Variants in NTAQ1 observed in about 807,000 individuals in gnomAD.
NTAQ1 encodes the protein N-terminal glutamine amidase 1.
A neutral mutation model predicts 28.2 loss-of-function variants in NTAQ1; 21 were observed. The ratio of observed to expected loss-of-function variants is 0.74; its 90% CI spans 0.53 to 1.07. The LOEUF (loss-of-function observed/expected upper bound fraction) is 1.07, where lower values mean the gene tolerates loss of function less well. Ranked by LOEUF, NTAQ1 falls within the 50% of genes least tolerant of loss-of-function variation. The pLI is 0.00. For missense variants in NTAQ1, 264 were observed against 256.6 expected, an observed-to-expected ratio of 1.03 and a Z score of -0.20; for synonymous variants, 105 against 90.0, an observed-to-expected ratio of 1.17 and a Z score of -0.94.
chr8:123,462,373 A>C (rs1229871016), intron 6 of NTAQ1, among the ~76,000 whole-genome samples: 1 of 152,124 alleles, frequency 6.6e-6, no homozygotes, highest in African/African-American at 2.4e-5. Flanking sequence ...ATATGAGATT[A>C]GTTATTATAA....
At chr8:123,458,824 G>C (rs1015923397) in intron 6 of NTAQ1, among the ~76,000 whole-genome samples, 4 of 151,960 alleles carry the variant, frequency 2.6e-5, no homozygotes, top group African/African-American at 9.7e-5. Context: ...GTTTCACCGT[G>C]ATAGCTAGGA....
At chr8:123,452,479 C>T (rs1051482966), downstream of NTAQ1, among the ~76,000 whole-genome samples, 1 of 152,210 alleles carries the variant, frequency 6.6e-6, no homozygotes, top group Admixed American at 6.5e-5. Context: ...TGCCTGTAAT[C>T]CCAGCTACTT....
chr8:123,428,166 C>A, intron 2 of NTAQ1, 143 bp downstream of exon 2: 1 of 568,632 alleles, frequency 1.8e-6, no homozygotes, highest in Non-Finnish European at 2.9e-6. Flanking sequence ...CATTTAAAAG[C>A]TTGCTTTTGA....
intron 5 of NTAQ1, 42 bp downstream of exon 5, chr8:123,437,376 A>G (rs1472106474): frequency 8.1e-6 from 13 of 1,608,960 alleles, no homozygotes; most frequent in Non-Finnish European, 1.1e-5. Flanking sequence ...CTGATTGATC[A>G]CATACACATC....
rs1309517285 is a variant in NTAQ1, at chr8:123,441,896, G to A, written c.*481G>A. On this transcript the variant is annotated 3_prime_UTR_variant, in exon 6 of 6. Coordinates refer to ENST00000287387, the MANE Select transcript of NTAQ1 (RefSeq NM_018024.3). The stretch of plus-strand genomic sequence containing the variant: ...TGTCTGGAAAGGGGTAATATTGTGA[G>A]CTGAATCAGCAATAAGTATTAGTCT... The A allele has an allele frequency of 6.4e-6, 1 of 155,268 alleles. No homozygotes were observed. The highest frequency in any genetic ancestry group is 2.4e-5 in the African/African-American group (1 of 41,508). The allele number at this position is 155,268 out of a possible 1,614,324, so 9.6% of individuals were successfully genotyped here. A position where few individuals can be genotyped will look rare whatever the true frequency, so the allele number is the denominator to read the frequency against.
chr8:123,459,879 G>A (rs576856754), intron 6 of NTAQ1, among the ~76,000 whole-genome samples: 58 of 136,404 alleles, frequency 4.3e-4, no homozygotes, highest in African/African-American at 1.1e-3. Flanking sequence ...TCAGCTCACC[G>A]CAACCTCCGC....
downstream of NTAQ1, among the ~76,000 whole-genome samples, chr8:123,446,813 A>G (rs1052423857): frequency 9.8e-5 from 15 of 152,288 alleles, 1 homozygote; most frequent in Admixed American, 8.5e-4. Context: ...AAAAACATGG[A>G]TTTCTTTTTC....
intron 6 of NTAQ1, among the ~76,000 whole-genome samples, chr8:123,456,904 G>A (rs759833882): frequency 1.3e-5 from 2 of 152,092 alleles, no homozygotes; most frequent in South Asian, 2.1e-4. Context: ...TATACTGCAC[G>A]CATATAAAAT....
chr8:123,468,578 TATC>T (rs771114490), exon 7 of NTAQ1, among the ~76,000 whole-genome samples: 1 of 152,250 alleles, frequency 6.6e-6, no homozygotes, highest in Non-Finnish European at 1.5e-5. Flanking sequence ...TGTATGTATA[TATC>T]ACATTTGCTT....
intron 1 of NTAQ1, among the ~76,000 whole-genome samples, chr8:123,421,729 C>T (rs953738718): frequency 6.1e-5 from 9 of 147,262 alleles, no homozygotes; most frequent in African/African-American, 2.3e-4. Flanking sequence ...TGCTCTGTTG[C>T]TCAGGCTGGA....
At chr8:123,442,276 C>CT (rs1815105314), downstream of NTAQ1, 1 of 149,458 alleles carries the variant, frequency 6.7e-6, no homozygotes, top group Non-Finnish European at 1.5e-5. Context: ...GATGTCTGAC[C>CT]TTTTGTTCTT....
chr8:123,460,933 C>T (rs1815806196), intron 6 of NTAQ1, among the ~76,000 whole-genome samples: 1 of 152,248 alleles, frequency 6.6e-6, no homozygotes, highest in African/African-American at 2.4e-5. Flanking sequence ...CATTCAGGCA[C>T]ATTTCACACT....
At chr8:123,431,773 G>T (rs10447967) in intron 3 of NTAQ1, among the ~76,000 whole-genome samples, 54,796 of 151,728 alleles carry the variant, frequency 0.36, 9,950 homozygotes, top group East Asian at 0.56. Context: ...GGGTCGTGAG[G>T]CTTAAATGAG....
chr8:123,422,911 A>G (rs925808671), intron 1 of NTAQ1, among the ~76,000 whole-genome samples: 1 of 152,128 alleles, frequency 6.6e-6, no homozygotes, highest in Non-Finnish European at 1.5e-5. Context: ...TCCTTTCCCC[A>G]TTGCTTGTTA....
intron 6 of NTAQ1, among the ~76,000 whole-genome samples, chr8:123,458,941 A>G (rs1815736468): frequency 6.6e-6 from 1 of 151,802 alleles, no homozygotes; most frequent in Admixed American, 6.6e-5. Context: ...TTAACTGGGC[A>G]TGGTGGCATG....
intron 6 of NTAQ1, among the ~76,000 whole-genome samples, chr8:123,458,070 A>C (rs958889784): frequency 2.1e-5 from 3 of 146,204 alleles, no homozygotes; most frequent in Non-Finnish European, 3.0e-5. Context: ...ATAAAAAAAA[A>C]AAACAAATAA....
At chr8:123,418,677 G>C (rs2130114306) in intron 1 of NTAQ1, among the ~76,000 whole-genome samples, 1 of 152,264 alleles carries the variant, frequency 6.6e-6, no homozygotes, top group South Asian at 2.1e-4. Context: ...AGGTACAAAG[G>C]CTCTGAGAAG....
chr8:123,467,102 G>A (rs1259451726), exon 7 of NTAQ1: 2 of 149,516 alleles, frequency 1.3e-5, no homozygotes, highest in Non-Finnish European at 3.0e-5. Context: ...CTGGAGTGCA[G>A]TTGCGTGATC....
At chr8:123,455,725 G>A (rs1452969664) in intron 6 of NTAQ1, among the ~76,000 whole-genome samples, 11 of 152,008 alleles carry the variant, frequency 7.2e-5, no homozygotes, top group East Asian at 3.9e-4. Context: ...GCGCCCAGCC[G>A]AAATCAGCAT....
Sources: gnomAD v4.1 joint callset for allele counts (sites outside exome capture counted in the v4.1 genomes callset) on GRCh38, gnomAD v4.1.1 for gene constraint, MANE v1.5 for transcripts, NCBI Gene and HGNC (gene_info 2026-07-23, HGNC 2026-07-21) for gene names.